FN1: variants seen among roughly 807,000 people sequenced by gnomAD.
FN1 encodes fibronectin 1.
In FN1, 106 loss-of-function variants were observed where a neutral mutation model predicts 297.3. The observed-to-expected ratio is 0.36, with a 90% CI of 0.30 to 0.42. FN1 has a LOEUF of 0.42. Among genes scored for constraint, FN1 ranks in the 10% least tolerant of loss-of-function variants. The pLI, the probability that FN1 is intolerant of heterozygous loss-of-function variation, is 1.00. For missense variants in FN1, 2,690 were observed against 3,124.9 expected, an observed-to-expected ratio of 0.86 and a Z score of 3.32; for synonymous variants, 1,149 against 1,152.6, an observed-to-expected ratio of 1.00 and a Z score of 0.06.
At chr2:215,395,957 T>C (rs956183836) in intron 23 of FN1, among the ~76,000 whole-genome samples, 5 of 152,182 alleles carry the variant, frequency 3.3e-5, no homozygotes. Context: ...TTGTATAGCT[T>C]TGGCTTAAAC....
chr2:215,425,863 C>T (rs532534363), intron 6 of FN1, among the ~76,000 whole-genome samples: 6 of 152,144 alleles, frequency 3.9e-5, no homozygotes, highest in African/African-American at 7.2e-5. Flanking sequence ...TGAGCCACCT[C>T]GCCTGGCCGG....
intron 31 of FN1, 133 bp downstream of exon 31, chr2:215,383,195 A>G: frequency 3.5e-6 from 3 of 867,898 alleles, no homozygotes; most frequent in Non-Finnish European, 5.8e-6. Flanking sequence ...TTTAGTACAG[A>G]CGGGGTTTCG....
At chr2:215,376,115 C>T (rs2057244891) in intron 36 of FN1, among the ~76,000 whole-genome samples, 1 of 152,156 alleles carries the variant, frequency 6.6e-6, no homozygotes, top group South Asian at 2.1e-4. Flanking sequence ...TCTTCGGTTA[C>T]AATTTTGGCC....
chr2:215,382,566 C>A (rs2058360400), intron 31 of FN1, among the ~76,000 whole-genome samples: 1 of 152,026 alleles, frequency 6.6e-6, no homozygotes, highest in Non-Finnish European at 1.5e-5. Flanking sequence ...TAATATGATG[C>A]CCCCAACAAT....
At chr2:215,420,647 T>C (rs771275652) in intron 11 of FN1, 26 bp downstream of exon 11, 29 of 1,613,810 alleles carry the variant, frequency 1.8e-5, no homozygotes, top group Non-Finnish European at 2.3e-5. Flanking sequence ...CTGTGCAAAC[T>C]CATCTAGGGA....
intron 45 of FN1, 45 bp from the exon 46 acceptor site, chr2:215,361,671 T>TAA (rs1304965338): frequency 7.0e-7 from 1 of 1,419,404 alleles, no homozygotes; most frequent in Admixed American, 1.7e-5. Flanking sequence ...GCAAATACTG[T>TAA]AAAGTGTACA....
In FN1 at chr2:215,406,230, A is replaced by G. The variant is rs1483008648; in HGVS notation, c.2986+8T>C. Reference sequence around the variant, plus strand: ...TTGGAGGGGAGATAGAGATAGGAGAAGACATACTGGTTGTCTGTTGAGCAG... The same window carrying G: ...TTGGAGGGGAGATAGAGATAGGAGAGGACATACTGGTTGTCTGTTGAGCAG... On this transcript the variant is annotated splice_region_variant and intron_variant, in intron 19 of 45. Transcript: ENST00000354785. The G allele has an allele frequency of 6.2e-7, 1 of 1,613,912 alleles. No individual in the cohort carries two copies. The highest frequency in any genetic ancestry group is 1.7e-5 in the Admixed American group (1 of 60,024).
intron 30 of FN1, 64 bp from the exon 31 acceptor site, chr2:215,383,547 C>A (rs1431922628): frequency 2.0e-6 from 3 of 1,529,526 alleles, no homozygotes; most frequent in Admixed American, 1.7e-5. Flanking sequence ...TTGGACAAGT[C>A]CTCCTCTCTA....
At position 215,423,609 on chromosome 2, in the gene FN1, C is replaced by G; in HGVS notation, c.1217-83G>C. 4.6e-6 allele frequency: 6 copies of G among 1,291,020 alleles called. No homozygotes were observed. The South Asian group carries it at 7.5e-5, about 16-fold the overall frequency. The allele number at this position is 1,291,020 out of a possible 1,614,324, so 80.0% of individuals were successfully genotyped here. ...ACACAGAATTACTGGTCTGAGAGAG[C>G]CAGGTTTCTGCAGCTCATTCACAGA... On this transcript the variant is annotated intron_variant, in intron 8 of 45. Coordinates refer to ENST00000354785, the MANE Select transcript of FN1 (RefSeq NM_212482.4).
chr2:215,374,791 T>A (rs545434675), intron 38 of FN1, among the ~76,000 whole-genome samples: 8 of 152,326 alleles, frequency 5.3e-5, no homozygotes, highest in Admixed American at 5.2e-4. Context: ...CTGCTCTGCC[T>A]CAAGACCTAT....
intron 12 of FN1, among the ~76,000 whole-genome samples, chr2:215,415,979 C>G (rs964553345): frequency 6.6e-6 from 1 of 152,052 alleles, no homozygotes; most frequent in Non-Finnish European, 1.5e-5. Flanking sequence ...GACACTCTGT[C>G]AAACAGAGCA....
At chr2:215,364,466 G>T in intron 44 of FN1, 1 of 272,404 alleles carries the variant, frequency 3.7e-6, no homozygotes, top group Non-Finnish European at 7.2e-6. Context: ...GGGGAGAACC[G>T]GCTGAAATGA....
intron 33 of FN1, 115 bp from the exon 34 acceptor site, chr2:215,379,432 G>A: frequency 1.2e-6 from 1 of 865,782 alleles, no homozygotes; most frequent in Non-Finnish European, 1.9e-6. Context: ...TGGGTTCCCT[G>A]GTCAAGCAAA....
intron 10 of FN1, 111 bp downstream of exon 10, chr2:215,421,980 C>T: frequency 1.0e-6 from 1 of 1,003,458 alleles, no homozygotes; most frequent in Non-Finnish European, 1.6e-6. Context: ...AATGACGTGG[C>T]ATTCCATATT....
intron 1 of FN1, among the ~76,000 whole-genome samples, chr2:215,435,317 C>T (rs2067268269): frequency 1.3e-5 from 2 of 152,112 alleles, no homozygotes; most frequent in African/African-American, 4.8e-5. Flanking sequence ...CAGTAAGGAC[C>T]ACACTAATCC....
intron 17 of FN1, 124 bp downstream of exon 17, chr2:215,407,984 C>T (rs2062016128): frequency 2.5e-6 from 2 of 786,026 alleles, no homozygotes; most frequent in Non-Finnish European, 4.4e-6. Flanking sequence ...ACACACAAAC[C>T]CCTCTCCCAT....
Position 215,366,618 on chromosome 2 carries a change from C to T in FN1, c.7019-988G>A, listed in dbSNP as rs113237076. Among the ~76,000 whole-genome samples the T allele has an allele frequency of 5.1e-3, 777 of 152,258 alleles. 6 individuals carry two copies. The highest frequency in any genetic ancestry group is 0.018 in the African/African-American group (740 of 41,538). On this transcript the variant is annotated intron_variant, in intron 42 of 45. Coordinates refer to ENST00000354785, the MANE Select transcript of FN1 (RefSeq NM_212482.4). ...CCTCCAGGGCTTATACAACAAAACA[C>T]ACCTCAGAAGCTTATATAACAATAT...
At chr2:215,421,828 C>T (rs1271656031) in intron 10 of FN1, among the ~76,000 whole-genome samples, 1 of 152,176 alleles carries the variant, frequency 6.6e-6, no homozygotes, top group African/African-American at 2.4e-5. Flanking sequence ...TTCATTCTTA[C>T]TTTTGAAGCC....
intron 7 of FN1, 149 bp downstream of exon 7, chr2:215,424,945 T>C: frequency 1.3e-6 from 1 of 765,018 alleles, no homozygotes. Flanking sequence ...TGGAAGAAAC[T>C]ATTTCAAATG....
Sources: allele counts gnomAD v4.1 joint callset (sites outside exome capture counted in the v4.1 genomes callset), GRCh38; gene constraint gnomAD v4.1.1; transcripts MANE v1.5; gene names NCBI Gene and HGNC (gene_info 2026-07-23, HGNC 2026-07-21).